The following TAF4B variants were observed in gnomAD, a reference collection of about 807,000 sequenced individuals.
The protein encoded by TAF4B is TATA-box binding protein associated factor 4b.
In TAF4B, 38 loss-of-function variants were observed where a neutral mutation model predicts 86.4. The ratio of observed to expected loss-of-function variants is 0.44; its 90% confidence interval spans 0.34 to 0.58. The LOEUF is 0.58. Among genes scored for constraint, TAF4B ranks in the 20% least tolerant of loss-of-function variants. The pLI, the probability that TAF4B is intolerant of heterozygous loss-of-function variation, is 0.02. For synonymous variants in TAF4B, 388 were observed against 391.2 expected (o/e 0.99, Z 0.10); for missense variants, 988 against 1,027.6 (o/e 0.96, Z 0.53).
At chr18:26,257,176 G>A (rs2056097388) in intron 1 of TAF4B, among the ~76,000 whole-genome samples, 1 of 152,162 alleles carries the variant, frequency 6.6e-6, no homozygotes, top group Non-Finnish European at 1.5e-5. Flanking sequence ...TTCATTGAAA[G>A]TGGGGTATTG....
At chr18:26,232,235 T>C (rs1420662917) in intron 1 of TAF4B, among the ~76,000 whole-genome samples, 2 of 152,084 alleles carry the variant, frequency 1.3e-5, no homozygotes, top group Non-Finnish European at 2.9e-5. Flanking sequence ...CACCCCCGTC[T>C]AAACAGGACA....
chr18:26,336,783 A>T lies in TAF4B; in HGVS notation c.2316+1552A>T, dbSNP rs914032737. 2.0e-5 allele frequency among the ~76,000 whole-genome samples: 3 copies of T among 152,160 alleles called. No homozygotes were observed. In the East Asian group the frequency reaches 5.8e-4, roughly 29 times the overall value. ...GGACTGACTAGATGCTTATCTTCTA[A>T]TTGCATTCCCTTTTTGGAAAATGTG... On this transcript the variant is annotated intron_variant, in intron 13 of 14. Transcript: ENST00000269142.
intron 13 of TAF4B, among the ~76,000 whole-genome samples, chr18:26,344,897 G>C (rs1409153237): frequency 1.3e-5 from 2 of 152,140 alleles, no homozygotes; most frequent in Non-Finnish European, 2.9e-5. Flanking sequence ...CTACAGTCCT[G>C]TCTTCCCCAC....
At chr18:26,301,430 G>T (rs192915626) in intron 9 of TAF4B, among the ~76,000 whole-genome samples, 6 of 152,142 alleles carry the variant, frequency 3.9e-5, no homozygotes, top group African/African-American at 1.4e-4. Context: ...GGGACTACAG[G>T]CATGTGCCAC....
intron 13 of TAF4B, among the ~76,000 whole-genome samples, chr18:26,345,900 G>C (rs1392301628): frequency 6.6e-6 from 1 of 152,198 alleles, no homozygotes; most frequent in East Asian, 1.9e-4. Flanking sequence ...GTGAGATACA[G>C]AATACTGATG....
intron 13 of TAF4B, among the ~76,000 whole-genome samples, chr18:26,342,305 A>C (rs920318568): frequency 2.6e-5 from 4 of 152,140 alleles, no homozygotes; most frequent in African/African-American, 9.6e-5. Flanking sequence ...AAAGAAAAAC[A>C]TTTTTTGATT....
rs577554540 is a variant in TAF4B, at chr18:26,281,690, A to G, written c.883-281A>G. ...CCTTCAATTCTTAATTGTTCTTAAC[A>G]GATTGTAATAATGTAGTATTACTTA... On this transcript the variant is annotated intron_variant, in intron 5 of 14. Transcript: ENST00000269142. Among the ~76,000 whole-genome samples, 143 of 152,302 alleles carry G rather than the reference A, an allele frequency of 9.4e-4. 1 individual carries two copies. The highest frequency in any genetic ancestry group is 3.2e-3 in the African/African-American group (132 of 41,566).
chr18:26,230,004 T>C (rs184189258), intron 1 of TAF4B, among the ~76,000 whole-genome samples: 12 of 152,062 alleles, frequency 7.9e-5, no homozygotes, highest in Admixed American at 7.2e-4. Context: ...CATATACATA[T>C]ATATGCACCA....
Position 26,244,029 on chromosome 18 carries a change from T to C in TAF4B, c.343+16753T>C, listed in dbSNP as rs150383559. On this transcript the variant is annotated intron_variant, in intron 1 of 14. Transcript: ENST00000269142. The stretch of plus-strand genomic sequence containing the variant: ...GCCTCCCAGTTAGGCTACTCTGGCA[T>C]CAGGGACCCACTTGAGGAGGCAGTC... 2.0e-3 allele frequency among the ~76,000 whole-genome samples: 309 copies of C among 152,350 alleles called. 1 individual carries two copies. Among genetic ancestry groups the C allele is most frequent in the African/African-American group, 7.2e-3 (300 of 41,580 alleles).
At chr18:26,349,388 C>G (rs776622131) in intron 13 of TAF4B, among the ~76,000 whole-genome samples, 6 of 151,992 alleles carry the variant, frequency 3.9e-5, no homozygotes. Flanking sequence ...TATTCCTTAC[C>G]TAATGAACTA....
At chr18:26,358,496 G>A (rs1005771586) in intron 14 of TAF4B, among the ~76,000 whole-genome samples, 6 of 152,172 alleles carry the variant, frequency 3.9e-5, no homozygotes, top group African/African-American at 9.6e-5. Context: ...GGATCACAAG[G>A]TCAGGAGATC....
At chr18:26,309,410 A>G (rs2056831976) in intron 9 of TAF4B, among the ~76,000 whole-genome samples, 1 of 151,864 alleles carries the variant, frequency 6.6e-6, no homozygotes. Context: ...GTAATTTTGG[A>G]TTATGTATTA....
At chr18:26,383,921 T>G (rs1978307509) in intron 14 of TAF4B, among the ~76,000 whole-genome samples, 1 of 152,248 alleles carries the variant, frequency 6.6e-6, no homozygotes, top group Non-Finnish European at 1.5e-5. Flanking sequence ...TTCTGTCCTG[T>G]GTTCCCCTTT....
At chr18:26,346,781 GTATA>G (rs1159806367) in intron 13 of TAF4B, among the ~76,000 whole-genome samples, 352 of 19,260 alleles carry the variant, frequency 0.018, 18 homozygotes, top group African/African-American at 0.044. Flanking sequence ...ATATGTGTGT[GTATA>G]TATATATATA....
chr18:26,303,077 C>CCCCTCCACTTTCATACT (rs2056755544), intron 9 of TAF4B, among the ~76,000 whole-genome samples: 63 of 33,600 alleles, frequency 1.9e-3, no homozygotes, highest in Non-Finnish European at 3.1e-3. Context: ...ACTTTCATAC[C>CCCCTCCACTTTCATACT]CCCTCCACTT....
At chr18:26,242,437 G>A (rs1159218691) in intron 1 of TAF4B, among the ~76,000 whole-genome samples, 1 of 151,994 alleles carries the variant, frequency 6.6e-6, no homozygotes, top group Admixed American at 6.6e-5. Context: ...CATTTGCTTG[G>A]TAGATCTTCC....
At position 26,346,823 on chromosome 18, in the gene TAF4B, G is replaced by GTA. The variant is rs1197712479; in HGVS notation, c.2317-10855_2317-10854dup. ...TGTGTATATATATATATATGTGTGTGTATATATATATATGTGTGTGTGTAT... is the reference window on the plus strand; with the variant it reads ...TGTGTATATATATATATATGTGTGTGTATATATATATATATGTGTGTGTGTAT... On this transcript the variant is annotated intron_variant, in intron 13 of 14. Coordinates refer to ENST00000269142, the MANE Select transcript of TAF4B (RefSeq NM_005640.3). Among the ~76,000 whole-genome samples the GTA allele has an allele frequency of 1.6e-3, 24 of 15,096 alleles. 6 individuals are homozygous for GTA. The highest frequency in any genetic ancestry group is 0.011 in the South Asian group (3 of 274). 9.9% of individuals were successfully genotyped at this position (15,096 alleles called of 152,430 possible).
intron 7 of TAF4B, among the ~76,000 whole-genome samples, chr18:26,288,089 C>G (rs773029764): frequency 6.6e-6 from 1 of 152,156 alleles, no homozygotes; most frequent in Non-Finnish European, 1.5e-5. Context: ...AGAGGAATTG[C>G]CCCAAGGAAA....
chr18:26,274,778 A>G lies in TAF4B; in HGVS notation c.713A>G (p.Asn238Ser), dbSNP rs1310257323. ...GASSTPSNEP[N>S]LKAENSAAVQ... ...TCATCCACTCCTTCAAATGAGCCCA[A>G]TCTTAAAGCAGAGAACTCAGCAGCT... Residue 238 changes from asparagine to serine, a missense_variant, in exon 4 of 15, where the codon AAT (asparagine) becomes AGT (serine). Around this residue, in one of 3 missense-constraint regions of TAF4B, gnomAD observed 747 missense variants for 737.9 expected, o/e 1.01. Transcript: ENST00000269142. 15 of 1,614,078 alleles carry G rather than the reference A, an allele frequency of 9.3e-6. No individual in the cohort carries two copies. The South Asian group carries it at 9.9e-5, about 11-fold the overall frequency.
Sources: gnomAD v4.1 joint callset for allele counts (sites outside exome capture counted in the v4.1 genomes callset) on GRCh38, gnomAD v4.1.1 for gene constraint, gnomAD v4.1.1 regional missense constraint, MANE v1.5 for transcripts, NCBI Gene and HGNC (gene_info 2026-07-23, HGNC 2026-07-21) for gene names.